LETM2: variants seen among roughly 807,000 people sequenced by gnomAD.
LETM2 encodes the protein leucine zipper and EF-hand containing transmembrane protein 2.
Under a neutral mutation model 59.6 loss-of-function variants are expected in LETM2, and 58 were observed. The observed-to-expected ratio is 0.97, with a 90% CI of 0.79 to 1.21. The LOEUF (loss-of-function observed/expected upper bound fraction) is 1.21. LETM2 is among the 50% of genes most tolerant of loss of function. The probability of loss-of-function intolerance (pLI) is 0.00; values close to 1 mark genes in which losing one functional copy is unlikely to be tolerated. For synonymous variants in LETM2, 199 were observed against 214.1 expected, an observed-to-expected ratio of 0.93 and a Z score of 0.62; for missense variants, 572 against 575.7, an observed-to-expected ratio of 0.99 and a Z score of 0.07.
At chr8:38,389,424 G>A (rs1022719180) in intron 2 of LETM2, among the ~76,000 whole-genome samples, 1 of 151,426 alleles carries the variant, frequency 6.6e-6, no homozygotes, top group Non-Finnish European at 1.5e-5. Context: ...CTCCATGTTG[G>A]CCAGGCTGAT....
rs748613526 is a variant in LETM2 at position 38,393,029 on chromosome 8, G to A, written c.501+34G>A. On this transcript the variant is annotated intron_variant, in intron 3 of 10. Coordinates refer to ENST00000379957, the MANE Select transcript of LETM2 (RefSeq NM_001286819.2). ...GAATCATATTTGAGAAAGAAAATGT[G>A]AAATTAAAATGAACTATTTGGGAAC... The A allele has an allele frequency of 4.6e-6, 7 of 1,517,430 alleles. No homozygotes were observed. In the African/African-American group the frequency reaches 9.7e-5, roughly 21 times the overall value. 94.0% of individuals were successfully genotyped at this position (1,517,430 alleles called of 1,614,324 possible). A position where few individuals can be genotyped will look rare whatever the true frequency, so the allele number is the denominator to read the frequency against.
At chr8:38,407,273 C>A in intron 9 of LETM2, 89 bp from the exon 10 acceptor site, 1 of 1,063,744 alleles carries the variant, frequency 9.4e-7, no homozygotes, top group Non-Finnish European at 1.4e-6. Flanking sequence ...GTAGTTGTGA[C>A]AAGTTCCTGG....
rs932205939 is a variant in LETM2, at chr8:38,400,424, T to G, written c.783+15T>G. 16 of 1,552,148 alleles carry G rather than the reference T, an allele frequency of 1.0e-5. No individual in the cohort carries two copies. The highest frequency in any genetic ancestry group is 1.3e-5 in the Non-Finnish European group (15 of 1,152,106). On this transcript the variant is annotated intron_variant, in intron 5 of 10. Transcript: ENST00000379957. Reference sequence around the variant, plus strand: ...ACGTGAAGCAGGTGTCCATCTTTTATGTAATGCCGAACAACTTCGGGGCTG... The same window carrying G: ...ACGTGAAGCAGGTGTCCATCTTTTAGGTAATGCCGAACAACTTCGGGGCTG...
upstream of LETM2, among the ~76,000 whole-genome samples, chr8:38,384,518 G>A (rs1811694796): frequency 6.6e-6 from 1 of 152,126 alleles, no homozygotes; most frequent in Admixed American, 6.5e-5. Context: ...CATTAAGACA[G>A]CAATCTAACA....
At chr8:38,398,081 C>T (rs762682322) in intron 4 of LETM2, among the ~76,000 whole-genome samples, 3 of 150,504 alleles carry the variant, frequency 2.0e-5, no homozygotes, top group Non-Finnish European at 2.9e-5. Context: ...CAGAGGTTAC[C>T]AAGAGCCAAG....
At chr8:38,388,079 TC>T (rs1811917267) in intron 2 of LETM2, 49 bp downstream of exon 2, 32 of 1,125,042 alleles carry the variant, frequency 2.8e-5, no homozygotes, top group Non-Finnish European at 3.0e-5. Context: ...TTCTTCTTCT[TC>T]TTTTTTTTTT....
intron 5 of LETM2, chr8:38,400,645 A>T: frequency 1.5e-6 from 1 of 657,302 alleles, no homozygotes. Flanking sequence ...AGAGAACAGT[A>T]GATTTAGAGT....
intron 4 of LETM2, 81 bp from the exon 5 acceptor site, chr8:38,400,191 A>C: frequency 2.8e-6 from 3 of 1,086,538 alleles, no homozygotes; most frequent in Non-Finnish European, 4.0e-6. Flanking sequence ...AATAACAAGG[A>C]GACAGTTATT....
rs144656490 is a variant in LETM2 at position 38,392,860 on chromosome 8, T to C, written c.366T>C (p.Tyr122=). ...AGATTAAAGAAGGCAAACAATCTTA[T>C]AGACAAAAAATCATGGATGAACTAA... ...GMEIKEGKQS[Y]RQKIMDELKY... The change falls in exon 3 of 11, where the codon TAT becomes TAC. Residue 122 remains tyrosine, a synonymous_variant. Coordinates refer to ENST00000379957, the MANE Select transcript of LETM2 (RefSeq NM_001286819.2). The C allele has an allele frequency of 1.4e-5, 22 of 1,614,024 alleles. No homozygotes were observed. Among genetic ancestry groups the C allele is most frequent in the South Asian group, 7.7e-5 (7 of 91,084 alleles).
intron 4 of LETM2, among the ~76,000 whole-genome samples, chr8:38,396,164 A>ATTTT (rs200309382): frequency 1.3e-5 from 2 of 149,634 alleles, no homozygotes; most frequent in South Asian, 2.1e-4. Flanking sequence ...TTTTTTATTT[A>ATTTT]TTTATTTTTT....
chr8:38,397,155 T>C, intron 4 of LETM2: 1 of 455,978 alleles, frequency 2.2e-6, no homozygotes, highest in Non-Finnish European at 4.4e-6. Flanking sequence ...GAACAAAACA[T>C]TATGAGAAGA....
chr8:38,388,034 A>G lies in LETM2; in HGVS notation c.47+4A>G. ...TTCTGGCTATTGCTCGAACAAGGTA[A>G]GCATTGGAGTTACCCCCCAATATGA... On this transcript the variant is annotated splice_donor_region_variant and intron_variant, in intron 2 of 10. Coordinates refer to ENST00000379957, the MANE Select transcript of LETM2 (RefSeq NM_001286819.2). 6.6e-7 allele frequency: 1 copy of G among 1,518,696 alleles called. No homozygotes were observed. Among genetic ancestry groups the G allele is most frequent in the Non-Finnish European group, 8.8e-7 (1 of 1,132,862 alleles). 94.1% of individuals were successfully genotyped at this position (1,518,696 alleles called of 1,614,324 possible).
Position 38,392,568 on chromosome 8 carries a change from C to T in LETM2, c.74C>T (p.Thr25Ile), listed in dbSNP as rs1471821066. 1 of 1,611,504 alleles carries T rather than the reference C, an allele frequency of 6.2e-7. No individual in the cohort carries two copies. The change falls in exon 3 of 11, where the codon ACC (threonine) becomes ATC (isoleucine). Residue 25 changes from threonine to isoleucine, a missense_variant. Thr to Ile is a moderately conservative substitution (Grantham distance 89). Coordinates refer to ENST00000379957, the MANE Select transcript of LETM2 (RefSeq NM_001286819.2). Reference sequence around the variant, plus strand: ...TTCCCTAGCCATTTTGTCCATCCTACCTGCTCTTCTTATTCCCCATCATGT... The same window carrying T: ...TTCCCTAGCCATTTTGTCCATCCTATCTGCTCTTCTTATTCCCCATCATGT... ...TRFPSHFVHP[T>I]CSSYSPSCAF...
chr8:38,402,686 C>G (rs781526719), intron 7 of LETM2, 42 bp downstream of exon 7: 4 of 1,604,052 alleles, frequency 2.5e-6, no homozygotes, highest in Non-Finnish European at 3.4e-6. Context: ...CCCTAGAACT[C>G]TCTCCTACAA....
Position 38,394,226 on chromosome 8 carries a change from A to G in LETM2, c.630A>G (p.Glu210=). Residue 210 remains glutamate (E), a synonymous_variant, in exon 4 of 11, where the codon GAA becomes GAG. Coordinates refer to ENST00000379957, the MANE Select transcript of LETM2 (RefSeq NM_001286819.2). ...LFPEMLPSTF[E]SESKKEEKQK... ...CAGAGATGTTGCCATCAACTTTTGA[A>G]AGTGAATCCAAAAAGGTATGATTTT... is the stretch of plus-strand genomic sequence containing the variant. 6.8e-7 allele frequency: 1 copy of G among 1,481,018 alleles called. No individual in the cohort carries two copies. The highest frequency in any genetic ancestry group is 8.9e-7 in the Non-Finnish European group (1 of 1,123,262). The allele number at this position is 1,481,018 out of a possible 1,614,324, so 91.7% of individuals were successfully genotyped here.
chr8:38,408,057 G>T, intron 10 of LETM2, 155 bp from the exon 11 acceptor site: 1 of 609,132 alleles, frequency 1.6e-6, no homozygotes, highest in Non-Finnish European at 2.9e-6. Context: ...CTTGTTTTTT[G>T]TAAATCTCCT....
At chr8:38,392,199 C>T (rs980222717) in intron 2 of LETM2, among the ~76,000 whole-genome samples, 7 of 151,942 alleles carry the variant, frequency 4.6e-5, no homozygotes, top group South Asian at 2.1e-4. Flanking sequence ...CCAAGGCAGG[C>T]GGATCACTTG....
intron 7 of LETM2, 73 bp downstream of exon 7, chr8:38,402,717 A>G: frequency 6.7e-7 from 1 of 1,484,244 alleles, no homozygotes; most frequent in Non-Finnish European, 9.3e-7. Flanking sequence ...TCCTTATGTG[A>G]TTTCTCCTTT....
At chr8:38,390,117 A>G (rs1812104621) in intron 2 of LETM2, among the ~76,000 whole-genome samples, 1 of 151,850 alleles carries the variant, frequency 6.6e-6, no homozygotes, top group South Asian at 2.1e-4. Context: ...GCTACTCAGG[A>G]TGCTGAGCCT....
Sources: gnomAD v4.1 joint callset for allele counts (sites outside exome capture counted in the v4.1 genomes callset) on GRCh38, gnomAD v4.1.1 for gene constraint, MANE v1.5 for transcripts, NCBI Gene and HGNC (gene_info 2026-07-23, HGNC 2026-07-21) for gene names.